The following NBPF19 variants were observed in gnomAD, a reference collection of about 807,000 sequenced individuals.
NBPF19 encodes the protein NBPF member 19, also known as NBPF family member NBPF19.
Under a neutral mutation model 45.9 loss-of-function variants are expected in NBPF19, and 30 were observed. The observed-to-expected ratio is 0.65, with a 90% CI of 0.49 to 0.89. NBPF19 has a LOEUF of 0.89. Among genes scored for constraint, NBPF19 ranks in the 40% least tolerant of loss-of-function variants. The probability of loss-of-function intolerance (pLI) is 0.00; values close to 1 mark genes in which losing one functional copy is unlikely to be tolerated. For synonymous variants in NBPF19, 183 were observed against 181.2 expected (o/e 1.01, Z -0.08); for missense variants, 495 against 471.8 (o/e 1.05, Z -0.46).
At position 149,554,507 on chromosome 1, in the gene NBPF19, G is replaced by T. The variant is rs1337479656; in HGVS notation, c.11301G>T (p.Val3767=). The T allele has an allele frequency of 1.6e-4, 264 of 1,608,120 alleles. 2 individuals carry two copies. The African/African-American group carries it at 3.0e-3, about 18-fold the overall frequency. ...QNPPCPRLNS[V]LMEVEEPEVL... ...TCTCCTTTTCCAGGCTCAACAGCGT[G>T]CTGATGGAAGTGGAAGAGCCTGAAG... The change falls in exon 94 of 94, where the codon GTG becomes GTT. Residue 3767 remains valine, a synonymous_variant. Coordinates refer to ENST00000651566, the MANE Select transcript of NBPF19 (RefSeq NM_001351365.2).
rs1374786841 is a variant in NBPF19 at position 149,556,009 on chromosome 1, T to C, written c.*1271T>C. ...AATGAAGTACTTGGGAAAGCGGTTT[T>C]CAAGAGTATAAATATCCTGTATTCT... On this transcript the variant is annotated 3_prime_UTR_variant, in exon 94 of 94. Coordinates refer to ENST00000651566, the MANE Select transcript of NBPF19 (RefSeq NM_001351365.2). The C allele has an allele frequency of 1.4e-5, 2 of 143,954 alleles. No homozygotes were observed. The highest frequency in any genetic ancestry group is 3.1e-5 in the Non-Finnish European group (2 of 65,248). 8.9% of individuals were successfully genotyped at this position (143,954 alleles called of 1,614,324 possible).
At position 149,475,491 on chromosome 1, in the gene NBPF19, G is replaced by C. The variant is rs1337592665; in HGVS notation, c.-340G>C. On this transcript the variant is annotated 5_prime_UTR_variant, in exon 1 of 94. Coordinates refer to ENST00000651566, the MANE Select transcript of NBPF19 (RefSeq NM_001351365.2). ...TGTCACAAGGGTACACGAATACTGA[G>C]AGTGAATGCTGAAGGAATGATCCCC... 7 of 606,108 alleles carry C rather than the reference G, an allele frequency of 1.2e-5. No individual in the cohort carries two copies. The highest frequency in any genetic ancestry group is 2.0e-5 in the Non-Finnish European group (7 of 343,500). 37.5% of individuals were successfully genotyped at this position (606,108 alleles called of 1,614,324 possible). A position where few individuals can be genotyped will look rare whatever the true frequency, so the allele number is the denominator to read the frequency against.
rs2087244889 is a variant in NBPF19, at chr1:149,556,191, T to C, written c.*1453T>C. 6.8e-6 allele frequency: 1 copy of C among 147,778 alleles called. No individual in the cohort carries two copies. The highest frequency in any genetic ancestry group is 6.8e-5 in the Admixed American group (1 of 14,662). The allele number at this position is 147,778 out of a possible 1,614,324, so 9.2% of individuals were successfully genotyped here. On this transcript the variant is annotated 3_prime_UTR_variant, in exon 94 of 94. Coordinates refer to ENST00000651566, the MANE Select transcript of NBPF19 (RefSeq NM_001351365.2). Reference sequence around the variant, plus strand: ...GTTGCAAAAAGAAGAAAACATTCTCTGCCTGAGTTTTAATTTTTGTCCAAA... The same window carrying C: ...GTTGCAAAAAGAAGAAAACATTCTCCGCCTGAGTTTTAATTTTTGTCCAAA...
chr1:149,491,127 C>G lies in NBPF19; in HGVS notation c.1491-12C>G, dbSNP rs2085854358. 1 of 248,814 alleles carries G rather than the reference C, an allele frequency of 4.0e-6. No homozygotes were observed. Among genetic ancestry groups the G allele is most frequent in the African/African-American group, 9.7e-5 (1 of 10,300 alleles). 15.4% of individuals were successfully genotyped at this position (248,814 alleles called of 1,614,324 possible). ...CCCCTGGCTTATTCTTTACTTTTTC[C>G]TCCTTTTCCAGGCTCAGCAGGGAGC... is the stretch of plus-strand genomic sequence containing the variant. On this transcript the variant is annotated splice_polypyrimidine_tract_variant and intron_variant, in intron 13 of 93. Transcript: ENST00000651566.
intron 7 of NBPF19, among the ~76,000 whole-genome samples, chr1:149,483,754 T>G (rs2085347151): frequency 3.1e-5 from 2 of 64,758 alleles, no homozygotes; most frequent in African/African-American, 1.3e-4. Flanking sequence ...AGCATTTGCT[T>G]CTCTGTAAAG....
At chr1:149,494,005 C>G (rs1290403113) in intron 17 of NBPF19, among the ~76,000 whole-genome samples, 2 of 89,324 alleles carry the variant, frequency 2.2e-5, no homozygotes, top group South Asian at 8.7e-4. Context: ...GATCACTGTT[C>G]GCTGTGTGTC....
Position 149,486,510 on chromosome 1 carries a change from C to G in NBPF19, c.988+217C>G. ...ACTCTCTTCCTAGTCTCAGGCCATGCCTGTGCCAACCTGGACTGACTGTCA... is the reference window on the plus strand; with the variant it reads ...ACTCTCTTCCTAGTCTCAGGCCATGGCTGTGCCAACCTGGACTGACTGTCA... On this transcript the variant is annotated intron_variant, in intron 8 of 93. Transcript: ENST00000651566. Among the ~76,000 whole-genome samples, 4 of 151,398 alleles carry G rather than the reference C, an allele frequency of 2.6e-5. 1 individual carries two copies. Among genetic ancestry groups the G allele is most frequent in the Admixed American group, 2.6e-4 (4 of 15,198 alleles).
intron 7 of NBPF19, among the ~76,000 whole-genome samples, chr1:149,484,410 A>T (rs1435953689): frequency 7.1e-6 from 1 of 141,436 alleles, no homozygotes; most frequent in African/African-American, 2.7e-5. Flanking sequence ...TGATGAGTTA[A>T]TGGGTGAAGC....
intron 3 of NBPF19, 113 bp downstream of exon 3, chr1:149,478,160 T>C: frequency 1.2e-6 from 1 of 802,552 alleles, no homozygotes; most frequent in South Asian, 1.4e-5. Context: ...GGGCAGAAAT[T>C]GCCATGACAG....
In NBPF19 at chr1:149,488,182, G is replaced by C. The variant is rs2085727512; in HGVS notation, c.1210G>C (p.Asp404His). The C allele has an allele frequency of 1.2e-5, 8 of 649,422 alleles. No homozygotes were observed. Among genetic ancestry groups the C allele is most frequent in the Middle Eastern group, 4.1e-4 (1 of 2,466 alleles). 40.2% of individuals were successfully genotyped at this position (649,422 alleles called of 1,614,324 possible). The change falls in exon 10 of 94, where the codon GAT becomes CAT. Residue 404 changes from aspartate to histidine, a missense_variant. Asp to His is a moderately conservative substitution (Grantham distance 81). Coordinates refer to ENST00000651566, the MANE Select transcript of NBPF19 (RefSeq NM_001351365.2). Reference protein sequence around the residue: ...QQRVGLAIDMDEIEKYQEVEE... With the variant: ...QQRVGLAIDMHEIEKYQEVEE... The stretch of plus-strand genomic sequence containing the variant: ...GCGTGTTGGCTTGGCTATTGACATG[G>C]ATGGTGAGTACCTTTCTATGAAGGT...
At chr1:149,477,338 C>A (rs2084903582) in intron 2 of NBPF19, among the ~76,000 whole-genome samples, 1 of 151,294 alleles carries the variant, frequency 6.6e-6, no homozygotes, top group Admixed American at 6.6e-5. Flanking sequence ...TCTAAATTAA[C>A]ACAACTAATC....
At chr1:149,494,152 C>A (rs2085990096) in intron 17 of NBPF19, among the ~76,000 whole-genome samples, 166 bp from the exon 18 acceptor site, 1 of 124,458 alleles carries the variant, frequency 8.0e-6, no homozygotes. Flanking sequence ...TTCTTCTCTA[C>A]CTGGCCCTGG....
chr1:149,487,160 C>A (rs2085576960), intron 8 of NBPF19, among the ~76,000 whole-genome samples, 172 bp from the exon 9 acceptor site: 2 of 151,218 alleles, frequency 1.3e-5, no homozygotes, highest in South Asian at 2.1e-4. Context: ...CATGAAAGAA[C>A]CCAAGCCAGT....
intron 19 of NBPF19, among the ~76,000 whole-genome samples, 173 bp downstream of exon 19, chr1:149,495,424 T>A (rs1402507664): frequency 1.8e-3 from 88 of 49,290 alleles, no homozygotes; most frequent in South Asian, 4.1e-3. Context: ...TTCCATTTCT[T>A]CCTCCCCTTA....
intron 61 of NBPF19, among the ~76,000 whole-genome samples, chr1:149,528,937 C>G (rs1316106031): frequency 8.7e-6 from 1 of 115,476 alleles, no homozygotes; most frequent in Non-Finnish European, 1.9e-5. Flanking sequence ...TGAGCTCGTT[C>G]TCTCTCTCTG....
intron 5 of NBPF19, 117 bp downstream of exon 5, chr1:149,480,331 A>G (rs1385677172): frequency 4.2e-5 from 32 of 754,074 alleles, no homozygotes; most frequent in Non-Finnish European, 7.3e-5. Context: ...TGGCCACAGT[A>G]TGTGAAATAT....
chr1:149,487,465 A>C (rs1238592209), intron 9 of NBPF19, 82 bp downstream of exon 9: 2 of 969,098 alleles, frequency 2.1e-6, no homozygotes, highest in Non-Finnish European at 3.3e-6. Context: ...ACATGCTGAA[A>C]ATAATGATTT....
At chr1:149,488,415 T>C (rs1375026486) in intron 10 of NBPF19, among the ~76,000 whole-genome samples, 2 of 141,688 alleles carry the variant, frequency 1.4e-5, no homozygotes, top group Admixed American at 1.5e-4. Context: ...GGCGCCCTAA[T>C]CCTACTCTCA....
In NBPF19 at chr1:149,554,886, A is replaced by C; in HGVS notation, c.*148A>C. 3 of 1,425,760 alleles carry C rather than the reference A, an allele frequency of 2.1e-6. No homozygotes were observed. The allele number at this position is 1,425,760 out of a possible 1,614,324, so 88.3% of individuals were successfully genotyped here. A position where few individuals can be genotyped will look rare whatever the true frequency, so the allele number is the denominator to read the frequency against. ...TCTTTTCCTATTCTCAAACCATGCCAGTGGCAACCTGTGCTCAGTCTGAAG... is the reference window on the plus strand; with the variant it reads ...TCTTTTCCTATTCTCAAACCATGCCCGTGGCAACCTGTGCTCAGTCTGAAG... On this transcript the variant is annotated 3_prime_UTR_variant, in exon 94 of 94. Coordinates refer to ENST00000651566, the MANE Select transcript of NBPF19 (RefSeq NM_001351365.2).
Sources: gnomAD v4.1 joint callset for allele counts (sites outside exome capture counted in the v4.1 genomes callset) on GRCh38, gnomAD v4.1.1 for gene constraint, MANE v1.5 for transcripts, NCBI Gene and HGNC (gene_info 2026-07-23, HGNC 2026-07-21) for gene names.